Variants in SBF2 observed in about 807,000 individuals in gnomAD.
SBF2 encodes the protein myotubularin-related protein 13.
Under a neutral mutation model 225.2 loss-of-function variants are expected in SBF2, and 112 were observed. The observed-to-expected ratio is 0.50, with a 90% CI of 0.43 to 0.58. The LOEUF is 0.58. SBF2 is among the 20% of genes least tolerant of loss of function. The pLI, the probability that SBF2 is intolerant of heterozygous loss-of-function variation, is 0.00. For synonymous variants in SBF2, 763 were observed against 773.3 expected (o/e 0.99, Z 0.22); for missense variants, 1,996 against 2,206.2 (o/e 0.90, Z 1.91).
rs74521647 is a variant in SBF2, at chr11:10,143,766, G to A, written c.141+50136C>T. Reference sequence around the variant, plus strand: ...GAAGTCTCGCTCTTTCGCCCAGGCCGGACTGCAGTAGCGCTATCTTGGCTC... The same window carrying A: ...GAAGTCTCGCTCTTTCGCCCAGGCCAGACTGCAGTAGCGCTATCTTGGCTC... On this transcript the variant is annotated intron_variant, in intron 2 of 39. Transcript: ENST00000256190. Among the ~76,000 whole-genome samples the A allele has an allele frequency of 1.0e-3, 154 of 151,848 alleles. 1 individual carries two copies. The highest frequency in any genetic ancestry group is 8.7e-3 in the East Asian group (45 of 5,156).
At chr11:9,924,026 A>G (rs1209547494) in intron 16 of SBF2, among the ~76,000 whole-genome samples, 1 of 152,224 alleles carries the variant, frequency 6.6e-6, no homozygotes, top group Admixed American at 6.5e-5. Flanking sequence ...GGCTTCTATC[A>G]TCAGGATCAA....
At chr11:10,209,888 CA>C (rs2135379054) in intron 1 of SBF2, among the ~76,000 whole-genome samples, 1 of 152,230 alleles carries the variant, frequency 6.6e-6, no homozygotes, top group South Asian at 2.1e-4. Flanking sequence ...TCTATGGGCT[CA>C]AAGATCCAGC....
chr11:9,951,362 G>A (rs879753839), intron 16 of SBF2, among the ~76,000 whole-genome samples: 17 of 152,172 alleles, frequency 1.1e-4, no homozygotes, highest in African/African-American at 3.4e-4. Context: ...ATGGAGAACA[G>A]TTATATTATA....
chr11:10,142,505 T>A (rs575046512), intron 2 of SBF2, among the ~76,000 whole-genome samples: 1 of 152,312 alleles, frequency 6.6e-6, no homozygotes, highest in African/African-American at 2.4e-5. Context: ...TCTACTCAAA[T>A]TCCTGAAGTC....
chr11:9,808,895 G>T lies in SBF2; in HGVS notation c.4257+6C>A. On this transcript the variant is annotated splice_donor_region_variant and intron_variant, in intron 31 of 39. Coordinates refer to ENST00000256190, the MANE Select transcript of SBF2 (RefSeq NM_030962.4). ...AAAATATCAAAAAATATGTCTAATAGTTTACTTGTGCAGTGATGTCCCAGC... is the reference window on the plus strand; with the variant it reads ...AAAATATCAAAAAATATGTCTAATATTTTACTTGTGCAGTGATGTCCCAGC... 1 of 1,590,926 alleles carries T rather than the reference G, an allele frequency of 6.3e-7. No individual in the cohort carries two copies. Among genetic ancestry groups the T allele is most frequent in the Non-Finnish European group, 8.6e-7 (1 of 1,158,930 alleles).
chr11:10,184,786 G>A (rs1956867991), intron 2 of SBF2, among the ~76,000 whole-genome samples: 1 of 152,148 alleles, frequency 6.6e-6, no homozygotes. Flanking sequence ...GAGTGCAATG[G>A]CGTGATCTCC....
At chr11:9,926,304 T>A (rs1259227356) in intron 16 of SBF2, among the ~76,000 whole-genome samples, 1 of 152,150 alleles carries the variant, frequency 6.6e-6, no homozygotes, top group Admixed American at 6.6e-5. Context: ...AATTGAAGTT[T>A]AGCCTTAAGA....
Position 9,789,566 on chromosome 11 carries a change from G to A in SBF2, c.4699-224C>T, listed in dbSNP as rs113834148. Among the ~76,000 whole-genome samples, 475 of 152,206 alleles carry A rather than the reference G, an allele frequency of 3.1e-3. 2 individuals are homozygous for A. The highest frequency in any genetic ancestry group is 0.011 in the African/African-American group (445 of 41,532). On this transcript the variant is annotated intron_variant, in intron 34 of 39. Coordinates refer to ENST00000256190, the MANE Select transcript of SBF2 (RefSeq NM_030962.4). ...TTGAGAAATGTAACTTCCTAATGACGTAGAAGGTCAAGTTCAATAGAGAAT... is the reference window on the plus strand; with the variant it reads ...TTGAGAAATGTAACTTCCTAATGACATAGAAGGTCAAGTTCAATAGAGAAT...
chr11:9,787,183 C>G (rs545083000), intron 36 of SBF2, among the ~76,000 whole-genome samples: 1 of 152,146 alleles, frequency 6.6e-6, no homozygotes, highest in South Asian at 2.1e-4. Flanking sequence ...CGTGAGCCAC[C>G]GCACCCGGCC....
intron 2 of SBF2, among the ~76,000 whole-genome samples, chr11:10,127,050 G>GT (rs927667303): frequency 6.6e-6 from 1 of 151,982 alleles, no homozygotes; most frequent in East Asian, 1.9e-4. Context: ...GAAATTGAGA[G>GT]TTTTTTAAAA....
At chr11:9,920,810 T>C (rs1399349781) in intron 16 of SBF2, among the ~76,000 whole-genome samples, 2 of 152,114 alleles carry the variant, frequency 1.3e-5, no homozygotes, top group Non-Finnish European at 2.9e-5. Flanking sequence ...ACGAGGACAG[T>C]GATACCCTAG....
chr11:10,034,263 T>G (rs923221559), intron 3 of SBF2, among the ~76,000 whole-genome samples: 4 of 152,360 alleles, frequency 2.6e-5, no homozygotes, highest in Non-Finnish European at 5.9e-5. Flanking sequence ...CATCTGCTAG[T>G]GATTCCCAGC....
At chr11:10,286,429 G>A (rs61889841) in intron 1 of SBF2, among the ~76,000 whole-genome samples, 122 of 39,310 alleles carry the variant, frequency 3.1e-3, no homozygotes, top group Admixed American at 0.012. Flanking sequence ...CTGCGATCTC[G>A]GCTCACTGCA....
At chr11:10,112,895 G>T (rs1204440393) in intron 2 of SBF2, among the ~76,000 whole-genome samples, 1 of 152,174 alleles carries the variant, frequency 6.6e-6, no homozygotes, top group African/African-American at 2.4e-5. Flanking sequence ...ATGAAGAACA[G>T]AAAACAATTT....
intron 1 of SBF2, among the ~76,000 whole-genome samples, chr11:10,248,639 A>T (rs1264402776): frequency 6.6e-6 from 1 of 152,240 alleles, no homozygotes; most frequent in African/African-American, 2.4e-5. Context: ...TTTACATGCA[A>T]GGTGTGTAAA....
chr11:9,920,938 A>G (rs537535793), intron 16 of SBF2, among the ~76,000 whole-genome samples: 1 of 151,844 alleles, frequency 6.6e-6, no homozygotes, highest in South Asian at 2.1e-4. Context: ...TTCATTGCAT[A>G]CTTTGCCCTA....
intron 16 of SBF2, among the ~76,000 whole-genome samples, chr11:9,917,073 A>C (rs1293263802): frequency 6.6e-6 from 1 of 151,466 alleles, no homozygotes; most frequent in African/African-American, 2.4e-5. Flanking sequence ...TTTAAAAAAA[A>C]CTCACAAACT....
At chr11:10,144,280 G>T (rs945505660) in intron 2 of SBF2, among the ~76,000 whole-genome samples, 99 of 152,194 alleles carry the variant, frequency 6.5e-4, no homozygotes, top group African/African-American at 2.3e-3. Flanking sequence ...TTGAGCCCAG[G>T]AGTTTGAGAC....
At position 10,029,808 on chromosome 11, in the gene SBF2, G is replaced by C; in HGVS notation, c.470C>G (p.Ala157Gly). Reference protein sequence around the residue: ...SLNVSLESLIANLCACLVPAA... With the variant: ...SLNVSLESLIGNLCACLVPAA... ...TGGGACAAGGCAGGCACAAAGGTTT[G>C]CAATTAGACTTTCCAAGGAGACATT... The change falls in exon 5 of 40, where the codon GCA becomes GGA. Residue 157 changes from alanine (A) to glycine (G), a missense_variant. By Grantham distance (60) the Ala-to-Gly change is moderately conservative. Coordinates refer to ENST00000256190, the MANE Select transcript of SBF2 (RefSeq NM_030962.4). The C allele has an allele frequency of 6.2e-7, 1 of 1,613,924 alleles. No individual in the cohort carries two copies. The highest frequency in any genetic ancestry group is 2.2e-5 in the East Asian group (1 of 44,872).
Sources: gnomAD v4.1 joint callset for allele counts (sites outside exome capture counted in the v4.1 genomes callset) on GRCh38, gnomAD v4.1.1 for gene constraint, MANE v1.5 for transcripts, NCBI Gene and HGNC (gene_info 2026-07-23, HGNC 2026-07-21) for gene names.